The following B4GALNT2 variants were observed in gnomAD, a reference collection of about 807,000 sequenced individuals.
The protein encoded by B4GALNT2 is beta-1,4-N-acetyl-galactosaminyltransferase 2 (SID blood group).
In B4GALNT2, 42 loss-of-function variants were observed where a neutral mutation model predicts 51.1. That is an observed-to-expected ratio of 0.82 (90% confidence interval 0.64 to 1.06). B4GALNT2 has a LOEUF of 1.06. Among genes scored for constraint, B4GALNT2 ranks in the 50% least tolerant of loss-of-function variants. B4GALNT2 has a pLI of 0.00. For missense variants in B4GALNT2, 602 were observed against 633.6 expected, an observed-to-expected ratio of 0.95 and a Z score of 0.54; for synonymous variants, 253 against 251.7, an observed-to-expected ratio of 1.01 and a Z score of -0.05.
At chr17:49,126,378 G>C in the B4GALNT2 span, among the ~76,000 whole-genome samples, 62 of 152,044 alleles carry the variant, frequency 4.1e-4, no homozygotes, top group African/African-American at 9.4e-4. Context: ...GCTGCAGGGT[G>C]CTCTGCCTAG....
upstream of B4GALNT2, among the ~76,000 whole-genome samples, chr17:49,131,896 G>C (rs1480558360): frequency 3.9e-5 from 6 of 152,138 alleles, no homozygotes; most frequent in Non-Finnish European, 8.8e-5. Flanking sequence ...ACTTTGGGAG[G>C]CCGAGACAGG....
At chr17:49,160,806 C>T (rs1051513726) in intron 7 of B4GALNT2, among the ~76,000 whole-genome samples, 165 bp downstream of exon 7, 5 of 151,976 alleles carry the variant, frequency 3.3e-5, no homozygotes, top group Admixed American at 2.6e-4. Flanking sequence ...GACACAATCC[C>T]CTAAAATTGC....
At chr17:49,142,831 T>C (rs2042657755) in intron 3 of B4GALNT2, among the ~76,000 whole-genome samples, 1 of 152,260 alleles carries the variant, frequency 6.6e-6, no homozygotes. Flanking sequence ...CAAGGTGCCC[T>C]ATTTTATTCA....
At chr17:49,160,421 G>A (rs1353444564) in intron 6 of B4GALNT2, 134 bp from the exon 7 acceptor site, 8 of 810,724 alleles carry the variant, frequency 9.9e-6, no homozygotes, top group Non-Finnish European at 1.5e-5. Flanking sequence ...GACTCTATGG[G>A]GTCCTTGATC....
rs928423376 is a variant in B4GALNT2 at position 49,175,721 on chromosome 17, C to T, written c.*5993C>T. On this transcript the variant is annotated 3_prime_UTR_variant, in exon 11 of 11. Coordinates refer to ENST00000393354, the MANE Select transcript of B4GALNT2 (RefSeq NM_001159387.2). ...AGGGAACTGCCAAGCCTCTATATCACCCTCTCGTCTAGCTGGCTCAATTCC... is the reference window on the plus strand; with the variant it reads ...AGGGAACTGCCAAGCCTCTATATCATCCTCTCGTCTAGCTGGCTCAATTCC... The T allele has an allele frequency of 5.3e-5, 8 of 152,206 alleles. No homozygotes were observed. The highest frequency in any genetic ancestry group is 1.9e-4 in the African/African-American group (8 of 41,436). 9.4% of individuals were successfully genotyped at this position (152,206 alleles called of 1,614,324 possible). A position where few individuals can be genotyped will look rare whatever the true frequency, so the allele number is the denominator to read the frequency against.
intron 4 of B4GALNT2, among the ~76,000 whole-genome samples, chr17:49,155,948 C>A (rs556417483): frequency 2.0e-5 from 3 of 152,002 alleles, no homozygotes; most frequent in South Asian, 4.1e-4. Flanking sequence ...AGGATGATCT[C>A]GATCTCCTGA....
rs920966107 is a variant in B4GALNT2 at position 49,176,004 on chromosome 17, T to C, written c.*6276T>C. The C allele has an allele frequency of 1.3e-5, 2 of 152,200 alleles. No homozygotes were observed. The highest frequency in any genetic ancestry group is 4.8e-5 in the African/African-American group (2 of 41,460). 9.4% of individuals were successfully genotyped at this position (152,200 alleles called of 1,614,324 possible). A position where few individuals can be genotyped will look rare whatever the true frequency, so the allele number is the denominator to read the frequency against. On this transcript the variant is annotated 3_prime_UTR_variant, in exon 11 of 11. Coordinates refer to ENST00000393354, the MANE Select transcript of B4GALNT2 (RefSeq NM_001159387.2). ...TACTTTCCTTCCTTCTCATCATTAG[T>C]GTGAAAAGGTTCTAAGGTGGAACGC...
chr17:49,142,491 A>G (rs780219908), intron 3 of B4GALNT2, among the ~76,000 whole-genome samples: 2 of 151,860 alleles, frequency 1.3e-5, no homozygotes, highest in Non-Finnish European at 2.9e-5. Context: ...GGAGTTTGAG[A>G]CCAGCTTGGG....
intron 3 of B4GALNT2, among the ~76,000 whole-genome samples, chr17:49,149,622 G>A (rs546808089): frequency 3.3e-5 from 5 of 152,178 alleles, no homozygotes; most frequent in Non-Finnish European, 5.9e-5. Context: ...ATCTTGCCTG[G>A]GTGACAGAGT....
In B4GALNT2 at chr17:49,172,202, G is replaced by A; in HGVS notation, c.*2474G>A. ...ACAGCTGTTGCTCATGATAGTTGGG[G>A]TCCTCCTCAGCATCAGTCTTGACAT... is the stretch of plus-strand genomic sequence containing the variant. On this transcript the variant is annotated 3_prime_UTR_variant, in exon 11 of 11. Coordinates refer to ENST00000393354, the MANE Select transcript of B4GALNT2 (RefSeq NM_001159387.2). The A allele has an allele frequency of 4.2e-6, 1 of 239,676 alleles. No individual in the cohort carries two copies. Among genetic ancestry groups the A allele is most frequent in the East Asian group, 7.4e-5 (1 of 13,436 alleles). 14.8% of individuals were successfully genotyped at this position (239,676 alleles called of 1,614,324 possible). A position where few individuals can be genotyped will look rare whatever the true frequency, so the allele number is the denominator to read the frequency against.
chr17:49,133,265 G>A, intron 1 of B4GALNT2: 2 of 1,442,750 alleles, frequency 1.4e-6, no homozygotes, highest in South Asian at 1.5e-5. Context: ...TGGACAGTCG[G>A]GGAGCCCGGC....
chr17:49,148,171 G>A (rs1374019217), intron 3 of B4GALNT2, among the ~76,000 whole-genome samples: 2 of 151,632 alleles, frequency 1.3e-5, no homozygotes, highest in East Asian at 3.9e-4. Flanking sequence ...GTGATGGTGG[G>A]CGCCTGTAAT....
At position 49,156,566 on chromosome 17, in the gene B4GALNT2, G is replaced by A. The variant is rs2042812536; in HGVS notation, c.461G>A (p.Gly154Asp). ...CTTTCCTTTTCCCTGTGTCCTCCAG[G>A]CCTCCAGTTTGAAGGACCCGATGCC... The part of the protein sequence containing the change: ...VMPLHTVPIP[G>D]LQFEGPDAPV... Residue 154 changes from glycine (G) to aspartate (D), a missense_variant and splice_region_variant, in exon 5 of 11, where the codon GGC (glycine) becomes GAC (aspartate). Gly to Asp is a moderately conservative substitution (Grantham distance 94). Coordinates refer to ENST00000393354, the MANE Select transcript of B4GALNT2 (RefSeq NM_001159387.2). 6.2e-7 allele frequency: 1 copy of A among 1,613,686 alleles called. No individual in the cohort carries two copies. Among genetic ancestry groups the A allele is most frequent in the Non-Finnish European group, 8.5e-7 (1 of 1,179,876 alleles).
chr17:49,166,829 G>A (rs1437363316), intron 9 of B4GALNT2, among the ~76,000 whole-genome samples: 1 of 151,844 alleles, frequency 6.6e-6, no homozygotes, highest in African/African-American at 2.4e-5. Context: ...ATTAGCCAGG[G>A]ATGGTGGTGT....
At chr17:49,143,667 TG>T (rs1173173320) in intron 3 of B4GALNT2, among the ~76,000 whole-genome samples, 1 of 152,238 alleles carries the variant, frequency 6.6e-6, no homozygotes, top group Non-Finnish European at 1.5e-5. Flanking sequence ...TACTGCAGAC[TG>T]GGTAATTTAT....
chr17:49,152,867 G>C lies in B4GALNT2; in HGVS notation c.421G>C (p.Gly141Arg). ...CCTCCCCTTTGGGTACCCAGTCCAC[G>C]GAGTGGAGGTGATGCCCCTGCACAC... Reference protein sequence around the residue: ...PNLPFGYPVHGVEVMPLHTVP... With the variant: ...PNLPFGYPVHRVEVMPLHTVP... The change falls in exon 4 of 11, where the codon GGA becomes CGA. Residue 141 changes from glycine to arginine, a missense_variant. Coordinates refer to ENST00000393354, the MANE Select transcript of B4GALNT2 (RefSeq NM_001159387.2). 1.9e-6 allele frequency: 3 copies of C among 1,611,406 alleles called. No homozygotes were observed. Among genetic ancestry groups the C allele is most frequent in the African/African-American group, 2.7e-5 (2 of 74,976 alleles).
chr17:49,157,588 G>A (rs1015372499), intron 5 of B4GALNT2, among the ~76,000 whole-genome samples: 3 of 152,094 alleles, frequency 2.0e-5, no homozygotes, highest in African/African-American at 7.2e-5. Context: ...AAAGTGCTGG[G>A]ATTACAGGCA....
intron 1 of B4GALNT2, chr17:49,133,120 G>C: frequency 3.3e-6 from 5 of 1,525,804 alleles, no homozygotes; most frequent in Non-Finnish European, 4.4e-6. Context: ...TGTGGGAATC[G>C]GCTCGGGAGT....
intron 3 of B4GALNT2, chr17:49,148,702 C>G (rs1307103042): frequency 5.3e-6 from 3 of 563,982 alleles, no homozygotes; most frequent in Non-Finnish European, 9.7e-6. Context: ...TTCTTGTCTG[C>G]CAGCTCCAGG....
Sources: gnomAD v4.1 joint callset for allele counts (sites outside exome capture counted in the v4.1 genomes callset) on GRCh38, gnomAD v4.1.1 for gene constraint, MANE v1.5 for transcripts, NCBI Gene and HGNC (gene_info 2026-07-23, HGNC 2026-07-21) for gene names.